Variants in RORA observed in about 807,000 individuals in gnomAD.
The protein encoded by RORA is nuclear receptor ROR-alpha.
A neutral mutation model predicts 69.5 loss-of-function variants in RORA; 7 were observed. That is an observed-to-expected ratio of 0.10 (90% confidence interval 0.06 to 0.19). The LOEUF (loss-of-function observed/expected upper bound fraction) is 0.19. Ranked by LOEUF, RORA falls within the 10% of genes least tolerant of loss-of-function variation. RORA has a pLI of 1.00. For missense variants in RORA, 457 were observed against 663.0 expected (o/e 0.69, Z 3.41); for synonymous variants, 261 against 240.8 (o/e 1.08, Z -0.78).
chr15:60,772,631 G>A (rs1374019177), intron 1 of RORA, among the ~76,000 whole-genome samples: 1 of 152,200 alleles, frequency 6.6e-6, no homozygotes, highest in East Asian at 1.9e-4. Flanking sequence ...GACGTCTACT[G>A]TATATCTTGT....
chr15:61,222,055 T>C (rs575108973), intron 1 of RORA, among the ~76,000 whole-genome samples: 1 of 152,278 alleles, frequency 6.6e-6, no homozygotes, highest in Admixed American at 6.5e-5. Context: ...ATAAATCCTC[T>C]GTACCATAAT....
intron 1 of RORA, among the ~76,000 whole-genome samples, chr15:60,878,839 C>T (rs1324385027): frequency 6.6e-6 from 1 of 152,174 alleles, no homozygotes; most frequent in Admixed American, 6.5e-5. Flanking sequence ...AGGTAGGCCT[C>T]CCTACAGGTA....
chr15:60,950,252 AC>A, intron 1 of RORA, among the ~76,000 whole-genome samples: 1 of 149,416 alleles, frequency 6.7e-6, no homozygotes, highest in Non-Finnish European at 1.5e-5. Context: ...AGATTTTGTC[AC>A]CACCAGGCCT....
At chr15:61,073,651 C>A (rs1345248324) in intron 1 of RORA, among the ~76,000 whole-genome samples, 2 of 152,144 alleles carry the variant, frequency 1.3e-5, no homozygotes, top group Non-Finnish European at 2.9e-5. Flanking sequence ...AATCACGTAC[C>A]CGACTTAAAG....
At chr15:60,702,075 A>G (rs2070989752) in intron 1 of RORA, among the ~76,000 whole-genome samples, 2 of 152,212 alleles carry the variant, frequency 1.3e-5, no homozygotes, top group Non-Finnish European at 2.9e-5. Flanking sequence ...AGCTGAGAGC[A>G]CAGGCAGATG....
At chr15:60,736,571 A>C (rs1433221949) in intron 1 of RORA, among the ~76,000 whole-genome samples, 1 of 152,170 alleles carries the variant, frequency 6.6e-6, no homozygotes, top group Admixed American at 6.5e-5. Context: ...CTGAAAAAGA[A>C]GTGCATTGGA....
chr15:60,883,917 GACGGCCAGC>G (rs1202063006), intron 1 of RORA, among the ~76,000 whole-genome samples: 1 of 152,188 alleles, frequency 6.6e-6, no homozygotes, highest in African/African-American at 2.4e-5. Flanking sequence ...TTAGCCAATT[GACGGCCAGC>G]ACTCCTTTGT....
At chr15:61,187,462 G>A (rs1032917049) in intron 1 of RORA, among the ~76,000 whole-genome samples, 1 of 152,194 alleles carries the variant, frequency 6.6e-6, no homozygotes. Context: ...CCTCCAGGGG[G>A]AGGATAGGGA....
At chr15:60,807,645 T>C (rs972430211) in intron 1 of RORA, among the ~76,000 whole-genome samples, 39 of 152,236 alleles carry the variant, frequency 2.6e-4, no homozygotes, top group African/African-American at 8.9e-4. Context: ...AGAACAAATC[T>C]GGAGGCATCA....
At chr15:60,625,790 C>T (rs1436243998) in intron 2 of RORA, among the ~76,000 whole-genome samples, 1 of 152,196 alleles carries the variant, frequency 6.6e-6, no homozygotes, top group African/African-American at 2.4e-5. Context: ...CGGAAGGCTG[C>T]ATAAGAAATT....
chr15:60,742,723 T>C (rs935137872), intron 1 of RORA, among the ~76,000 whole-genome samples: 1 of 152,210 alleles, frequency 6.6e-6, no homozygotes, highest in Admixed American at 6.5e-5. Context: ...AGTGAGATCA[T>C]GTAGTATTTG....
Position 61,038,245 on chromosome 15 carries a change from T to C in RORA, c.166+190808A>G, listed in dbSNP as rs564396386. On this transcript the variant is annotated intron_variant, in intron 1 of 10. Transcript: ENST00000335670. The stretch of plus-strand genomic sequence containing the variant: ...GCGCAAGTCTGGGAAGGCCCACATT[T>C]GTTTTATGTAGCAATGAGACAAAAT... 2.0e-5 allele frequency among the ~76,000 whole-genome samples: 3 copies of C among 152,332 alleles called. No individual in the cohort carries two copies. The South Asian group carries it at 6.2e-4, about 32-fold the overall frequency.
intron 1 of RORA, among the ~76,000 whole-genome samples, chr15:61,076,416 A>C (rs771696263): frequency 1.6e-4 from 25 of 151,912 alleles, no homozygotes; most frequent in Non-Finnish European, 3.5e-4. Flanking sequence ...AAAAAAAAAA[A>C]ACGTTTCAAC....
intron 2 of RORA, chr15:60,545,063 C>T (rs944903433): frequency 6.6e-6 from 1 of 152,194 alleles, no homozygotes; most frequent in Non-Finnish European, 1.5e-5. Flanking sequence ...TCCAGAAAAG[C>T]CAAACTGTTC....
At chr15:60,772,820 A>AC (rs1194876970) in intron 1 of RORA, among the ~76,000 whole-genome samples, 2 of 152,136 alleles carry the variant, frequency 1.3e-5, no homozygotes, top group African/African-American at 4.8e-5. Flanking sequence ...CCTCCTCCTC[A>AC]CACCCACATT....
intron 1 of RORA, among the ~76,000 whole-genome samples, chr15:61,068,497 G>T (rs187882808): frequency 6.6e-6 from 1 of 152,314 alleles, no homozygotes; most frequent in East Asian, 1.9e-4. Flanking sequence ...TTATTTGTCA[G>T]AGTCTCATGA....
intron 1 of RORA, among the ~76,000 whole-genome samples, chr15:61,005,733 CT>C (rs1168227295): frequency 6.6e-6 from 1 of 152,120 alleles, no homozygotes; most frequent in African/African-American, 2.4e-5. Flanking sequence ...TTATTGTGGC[CT>C]TTTCACAAAT....
At chr15:60,675,038 C>T (rs935101762) in intron 2 of RORA, among the ~76,000 whole-genome samples, 3 of 152,160 alleles carry the variant, frequency 2.0e-5, no homozygotes, top group African/African-American at 7.2e-5. Flanking sequence ...GAGGTTAGGA[C>T]TCCATGATGC....
At chr15:60,727,501 C>G (rs1402220624) in intron 1 of RORA, among the ~76,000 whole-genome samples, 1 of 152,160 alleles carries the variant, frequency 6.6e-6, no homozygotes. Context: ...TCGCTGACAG[C>G]TGATCCCTTA....
Sources: gnomAD v4.1 joint callset for allele counts (sites outside exome capture counted in the v4.1 genomes callset) on GRCh38, gnomAD v4.1.1 for gene constraint, MANE v1.5 for transcripts, NCBI Gene and HGNC (gene_info 2026-07-23, HGNC 2026-07-21) for gene names.